RCOR3: variants seen among roughly 807,000 people sequenced by gnomAD.
RCOR3 encodes REST corepressor 3.
RCOR3 carries 13 observed loss-of-function variants against 64.1 expected under a neutral mutation model. The ratio of observed to expected loss-of-function variants is 0.20; its 90% CI spans 0.13 to 0.32. The LOEUF is 0.32. Ranked by LOEUF, RCOR3 falls within the 10% of genes least tolerant of loss-of-function variation. The probability of loss-of-function intolerance (pLI) is 1.00; values close to 1 mark genes in which losing one functional copy is unlikely to be tolerated. For missense variants in RCOR3, 489 were observed against 701.2 expected, an observed-to-expected ratio of 0.70 and a Z score of 3.42; for synonymous variants, 215 against 239.0, an observed-to-expected ratio of 0.90 and a Z score of 0.93.
Position 211,304,118 on chromosome 1 carries a change from G to A in RCOR3, c.1053G>A (p.Glu351=). The A allele has an allele frequency of 1.2e-6, 2 of 1,604,162 alleles. No homozygotes were observed. Among genetic ancestry groups the A allele is most frequent in the Non-Finnish European group, 1.7e-6 (2 of 1,176,258 alleles). The part of the protein sequence containing the change: ...NQKINARWTT[E]EQLLAVQGVR... ...AAATTAATGCCCGTTGGACCACAGA[G>A]GAGCAGCTTCTAGCAGTGCAAGGTA... is the stretch of plus-strand genomic sequence containing the variant. The change falls in exon 10 of 12, where the codon GAG becomes GAA. Residue 351 remains glutamate (E), a synonymous_variant. Transcript: ENST00000419091.
At chr1:211,282,417 T>C (rs1697934250) in intron 7 of RCOR3, among the ~76,000 whole-genome samples, 1 of 152,136 alleles carries the variant, frequency 6.6e-6, no homozygotes, top group Admixed American at 6.5e-5. Flanking sequence ...GTGAACTATT[T>C]AAAGAAAAAT....
rs1005318379 is a variant in RCOR3 at position 211,313,827 on chromosome 1, C to T, written c.*59C>T. The T allele has an allele frequency of 1.0e-5, 14 of 1,393,536 alleles. No homozygotes were observed. Among genetic ancestry groups the T allele is most frequent in the Admixed American group, 1.9e-5 (1 of 52,578 alleles). 86.3% of individuals were successfully genotyped at this position (1,393,536 alleles called of 1,614,324 possible). ...ACCCCATCATTATACCAGTGCTCAT[C>T]TGACTGATGAAAAAGAGGAAAGAAT... On this transcript the variant is annotated 3_prime_UTR_variant, in exon 12 of 12. Transcript: ENST00000419091. The surrounding 1 kb of genome is among the most constrained non-coding windows in gnomAD (Gnocchi z 4.7).
chr1:211,271,051 G>T (rs113407508), intron 2 of RCOR3, among the ~76,000 whole-genome samples, 181 bp from the exon 3 acceptor site: 1 of 152,066 alleles, frequency 6.6e-6, no homozygotes, highest in Non-Finnish European at 1.5e-5. Context: ...TAGAGACGGG[G>T]TTTCACCATG....
chr1:211,291,422 A>G, intron 8 of RCOR3: 1 of 377,912 alleles, frequency 2.6e-6, no homozygotes, highest in South Asian at 2.0e-5. Context: ...ATATTATGCA[A>G]ATATCCCAAA....
At chr1:211,268,192 A>G (rs1024166335) in intron 2 of RCOR3, among the ~76,000 whole-genome samples, 1 of 152,084 alleles carries the variant, frequency 6.6e-6, no homozygotes, top group African/African-American at 2.4e-5. Flanking sequence ...ACTTTATATA[A>G]CATTAGATTT....
intron 8 of RCOR3, 30 bp downstream of exon 8, chr1:211,289,426 T>A: frequency 6.5e-7 from 1 of 1,533,762 alleles, no homozygotes; most frequent in South Asian, 1.2e-5. Context: ...TTTTTAATGA[T>A]TCTGTGCATT....
chr1:211,303,730 G>A lies in RCOR3; in HGVS notation c.1018-353G>A, dbSNP rs180927556. The A allele has an allele frequency of 5.4e-3, 849 of 157,002 alleles. 6 individuals are homozygous for A. The highest frequency in any genetic ancestry group is 4.5e-3 in the Non-Finnish European group (319 of 71,230). 9.7% of individuals were successfully genotyped at this position (157,002 alleles called of 1,614,324 possible). A position where few individuals can be genotyped will look rare whatever the true frequency, so the allele number is the denominator to read the frequency against. ...TGTAATCCCAGCACTTTGGGAGGCCGAGACAGGCAGATCACAAGGTCAGGA... is the reference window on the plus strand; with the variant it reads ...TGTAATCCCAGCACTTTGGGAGGCCAAGACAGGCAGATCACAAGGTCAGGA... On this transcript the variant is annotated intron_variant, in intron 9 of 11. Transcript: ENST00000419091.
At chr1:211,265,381 T>G (rs376309779) in intron 2 of RCOR3, among the ~76,000 whole-genome samples, 2 of 152,202 alleles carry the variant, frequency 1.3e-5, no homozygotes, top group East Asian at 3.9e-4. Context: ...CCATGCATTT[T>G]CTCCACAGAA....
rs1476595481 is a variant in RCOR3, at chr1:211,284,284, G to T, written c.721-4894G>T. On this transcript the variant is annotated intron_variant, in intron 7 of 11. Coordinates refer to ENST00000419091, the MANE Select transcript of RCOR3 (RefSeq NM_001136223.3). Reference sequence around the variant, plus strand: ...TTTAGTAGAGACGGTGTTTCACTGTGTTAGTCAGGATGGTCTCGATCTCCT... The same window carrying T: ...TTTAGTAGAGACGGTGTTTCACTGTTTTAGTCAGGATGGTCTCGATCTCCT... Among the ~76,000 whole-genome samples the T allele has an allele frequency of 3.3e-5, 5 of 151,948 alleles. No individual in the cohort carries two copies. The East Asian group carries it at 7.7e-4, about 24-fold the overall frequency.
intron 7 of RCOR3, among the ~76,000 whole-genome samples, chr1:211,288,683 C>T (rs1002678099): frequency 2.6e-5 from 4 of 151,086 alleles, no homozygotes; most frequent in South Asian, 2.1e-4. Context: ...CCTTTAGAGG[C>T]GTAGTTTTCT....
chr1:211,268,863 A>G (rs575695761), intron 2 of RCOR3, among the ~76,000 whole-genome samples: 6 of 152,164 alleles, frequency 3.9e-5, no homozygotes, highest in South Asian at 4.1e-4. Flanking sequence ...TATAACATAC[A>G]TAGAATTTTA....
chr1:211,261,619 G>GAAT (rs1694285517), intron 2 of RCOR3, among the ~76,000 whole-genome samples: 1 of 152,116 alleles, frequency 6.6e-6, no homozygotes, highest in African/African-American at 2.4e-5. Flanking sequence ...AGCACATTTT[G>GAAT]GCTTTAAGAG....
chr1:211,270,886 C>T (rs144021401), intron 2 of RCOR3, among the ~76,000 whole-genome samples: 10 of 148,294 alleles, frequency 6.7e-5, no homozygotes, highest in South Asian at 2.1e-4. Flanking sequence ...GACGGAGTCT[C>T]GCTCTTTCAC....
intron 8 of RCOR3, among the ~76,000 whole-genome samples, chr1:211,291,878 G>C (rs1320982092): frequency 6.6e-6 from 1 of 152,084 alleles, no homozygotes; most frequent in Non-Finnish European, 1.5e-5. Flanking sequence ...CAACACTTTG[G>C]GAGGCCAAGA....
At position 211,289,321 on chromosome 1, in the gene RCOR3, A is replaced by C; in HGVS notation, c.864A>C (p.Ala288=). 2.5e-6 allele frequency: 4 copies of C among 1,614,164 alleles called. No individual in the cohort carries two copies. The highest frequency in any genetic ancestry group is 3.4e-6 in the Non-Finnish European group (4 of 1,180,022). Residue 288 remains alanine, a synonymous_variant, in exon 8 of 12, where the codon GCA becomes GCC. Transcript: ENST00000419091. ...GMYLTQEDVV[A]VSCSPNAANT... is the part of the protein sequence containing the mutation. ...ATTTAACCCAGGAAGATGTGGTAGC[A>C]GTTTCCTGTAGTCCCAATGCAGCCA...
intron 10 of RCOR3, among the ~76,000 whole-genome samples, chr1:211,309,439 C>G (rs1701270949): frequency 6.6e-6 from 1 of 152,252 alleles, no homozygotes; most frequent in African/African-American, 2.4e-5. Flanking sequence ...CCAAATAAAA[C>G]TTTACATATT....
rs553164905 is a variant in RCOR3 at position 211,279,408 on chromosome 1, G to A, written c.720+92G>A. 283 of 878,592 alleles carry A rather than the reference G, an allele frequency of 3.2e-4. 1 individual carries two copies. In the South Asian group the frequency reaches 4.5e-3, roughly 14 times the overall value. 54.4% of individuals were successfully genotyped at this position (878,592 alleles called of 1,614,324 possible). A position where few individuals can be genotyped will look rare whatever the true frequency, so the allele number is the denominator to read the frequency against. On this transcript the variant is annotated intron_variant, in intron 7 of 11. Transcript: ENST00000419091. ...TTCGTATTAAGAAAAACTTTTTAAT[G>A]TAATGCTTTATGAGATAGTAAATTT...
chr1:211,277,777 C>T (rs974405132), intron 5 of RCOR3, among the ~76,000 whole-genome samples: 1 of 152,108 alleles, frequency 6.6e-6, no homozygotes, highest in African/African-American at 2.4e-5. Context: ...TTCACCAAAA[C>T]CACTAATATG....
chr1:211,288,393 A>G (rs1363923893), intron 7 of RCOR3, among the ~76,000 whole-genome samples: 1 of 148,702 alleles, frequency 6.7e-6, no homozygotes. Context: ...CTCTTCCGAG[A>G]CATAAATTTA....
Sources: gnomAD v4.1 joint callset for allele counts (sites outside exome capture counted in the v4.1 genomes callset) on GRCh38, gnomAD v4.1.1 for gene constraint, Gnocchi (gnomAD v3.1) non-coding constraint, MANE v1.5 for transcripts, NCBI Gene and HGNC (gene_info 2026-07-23, HGNC 2026-07-21) for gene names.